The following C12orf42 variants were observed in gnomAD, a reference collection of about 807,000 sequenced individuals.
The protein encoded by C12orf42 is chromosome 12 open reading frame 42, also known as uncharacterized protein C12orf42.
C12orf42 carries 25 observed loss-of-function variants against 21.6 expected under a neutral mutation model. The observed-to-expected ratio is 1.16, with a 90% CI of 0.84 to 1.62. The LOEUF (loss-of-function observed/expected upper bound fraction) is 1.62, where lower values mean the gene tolerates loss of function less well. C12orf42 is among the 40% of genes most tolerant of loss of function. The pLI is 0.00. For synonymous variants in C12orf42, 174 were observed against 175.0 expected, an observed-to-expected ratio of 0.99 and a Z score of 0.05; for missense variants, 483 against 459.3, an observed-to-expected ratio of 1.05 and a Z score of -0.47.
the C12orf42 span, among the ~76,000 whole-genome samples, chr12:103,530,417 C>A: frequency 1.3e-5 from 2 of 152,206 alleles, no homozygotes; most frequent in African/African-American, 4.8e-5. Flanking sequence ...CCCTGCCTCC[C>A]AGCAGGAGCT....
At chr12:103,444,828 C>T (rs1238477670) in intron 2 of C12orf42, among the ~76,000 whole-genome samples, 1 of 151,834 alleles carries the variant, frequency 6.6e-6, no homozygotes, top group African/African-American at 2.4e-5. Flanking sequence ...TCATATTTCC[C>T]CTTTCTTCTT....
At chr12:103,543,219 GAA>G in the C12orf42 span, among the ~76,000 whole-genome samples, 1 of 152,184 alleles carries the variant, frequency 6.6e-6, no homozygotes, top group Non-Finnish European at 1.5e-5. Context: ...CATAGCTGGA[GAA>G]GAGGCCAGAG....
At chr12:103,562,864 T>C in the C12orf42 span, among the ~76,000 whole-genome samples, 2 of 152,084 alleles carry the variant, frequency 1.3e-5, no homozygotes, top group African/African-American at 2.4e-5. Flanking sequence ...TGTATCAGAG[T>C]GTGTCTGTAT....
chr12:103,434,833 T>C (rs1324972661), intron 2 of C12orf42, among the ~76,000 whole-genome samples: 38 of 152,318 alleles, frequency 2.5e-4, no homozygotes, highest in South Asian at 6.2e-4. Flanking sequence ...GAGGGGCGAC[T>C]GCCGTTGCCC....
the C12orf42 span, among the ~76,000 whole-genome samples, chr12:103,535,880 T>C: frequency 0.76 from 115,732 of 152,052 alleles, 44,553 homozygotes; most frequent in African/African-American, 0.84. Flanking sequence ...TGGTCTCAAT[T>C]GACCCTCTCA....
the C12orf42 span, among the ~76,000 whole-genome samples, chr12:103,205,990 C>T: frequency 6.6e-6 from 1 of 152,222 alleles, no homozygotes; most frequent in African/African-American, 2.4e-5. Flanking sequence ...GTTCCCTTCT[C>T]AGCCGCTGAG....
chr12:103,156,902 C>A, the C12orf42 span, among the ~76,000 whole-genome samples: 1 of 152,006 alleles, frequency 6.6e-6, no homozygotes, highest in South Asian at 2.1e-4. Flanking sequence ...GGTTCCATGT[C>A]TTTGCTATTG....
At chr12:103,487,408 G>C (rs1036924135) in intron 1 of C12orf42, among the ~76,000 whole-genome samples, 3 of 152,192 alleles carry the variant, frequency 2.0e-5, no homozygotes, top group African/African-American at 4.8e-5. Flanking sequence ...GTGTGATGTG[G>C]TGCTGAGAAG....
chr12:103,517,922 T>C, the C12orf42 span, among the ~76,000 whole-genome samples: 3 of 152,196 alleles, frequency 2.0e-5, no homozygotes, highest in African/African-American at 7.2e-5. Flanking sequence ...AAGGAGTGTG[T>C]AAATTGCTGG....
chr12:103,252,154 T>C (rs1290369554), intron 10 of C12orf42, among the ~76,000 whole-genome samples: 2 of 152,186 alleles, frequency 1.3e-5, no homozygotes, highest in African/African-American at 2.4e-5. Context: ...TAGTATTCCA[T>C]GGTGTATATG....
intron 2 of C12orf42, among the ~76,000 whole-genome samples, chr12:103,466,801 G>C (rs1403401669): frequency 6.6e-6 from 1 of 152,218 alleles, no homozygotes; most frequent in Non-Finnish European, 1.5e-5. Flanking sequence ...GCTAGCAAAT[G>C]CAAACACAAG....
the C12orf42 span, chr12:103,164,756 A>T: frequency 1.8e-4 from 81 of 454,292 alleles, no homozygotes; most frequent in Admixed American, 2.4e-5. Flanking sequence ...GTAACACTCC[A>T]GACAAGAGTA....
the C12orf42 span, among the ~76,000 whole-genome samples, chr12:103,130,786 G>T: frequency 6.6e-6 from 1 of 152,182 alleles, no homozygotes; most frequent in Non-Finnish European, 1.5e-5. Flanking sequence ...GACTGATCCT[G>T]GAAGGCTGTG....
chr12:103,499,604 T>C (rs1447327904), upstream of C12orf42, among the ~76,000 whole-genome samples: 1 of 152,230 alleles, frequency 6.6e-6, no homozygotes, highest in Non-Finnish European at 1.5e-5. Flanking sequence ...GATTTTGTCC[T>C]GAGGACTAAT....
downstream of C12orf42, among the ~76,000 whole-genome samples, chr12:103,235,343 G>T (rs968975752): frequency 6.6e-6 from 1 of 152,032 alleles, no homozygotes; most frequent in South Asian, 2.1e-4. Flanking sequence ...TTCAATATGA[G>T]GGTCAAGAAA....
At chr12:103,290,633 C>A (rs1256547852) in intron 4 of C12orf42, among the ~76,000 whole-genome samples, 2 of 152,142 alleles carry the variant, frequency 1.3e-5, no homozygotes, top group Non-Finnish European at 2.9e-5. Context: ...AGGGGACTTA[C>A]CCCAAGAGGA....
intron 5 of C12orf42, among the ~76,000 whole-genome samples, chr12:103,271,209 G>A (rs377076934): frequency 2.7e-4 from 41 of 152,232 alleles, no homozygotes; most frequent in African/African-American, 8.9e-4. Flanking sequence ...AAGGTGTGTC[G>A]TGTGCACCCT....
intron 10 of C12orf42, among the ~76,000 whole-genome samples, chr12:103,254,658 G>A (rs1467691144): frequency 6.6e-6 from 1 of 152,136 alleles, no homozygotes; most frequent in Non-Finnish European, 1.5e-5. Flanking sequence ...AACTAATACG[G>A]GAACAGAAAA....
the C12orf42 span, among the ~76,000 whole-genome samples, chr12:103,107,095 T>C: frequency 6.6e-6 from 1 of 151,992 alleles, no homozygotes; most frequent in Non-Finnish European, 1.5e-5. Context: ...AACTAAATCA[T>C]ATAGACTCTA....
Sources: gnomAD v4.1 joint callset for allele counts (sites outside exome capture counted in the v4.1 genomes callset) on GRCh38, gnomAD v4.1.1 for gene constraint, MANE v1.5 for transcripts, NCBI Gene and HGNC (gene_info 2026-07-23, HGNC 2026-07-21) for gene names.